Variants in ZNF462 observed in about 807,000 individuals in gnomAD.
The protein encoded by ZNF462 is zinc finger protein 462.
ZNF462 carries 10 observed loss-of-function variants against 201.9 expected under a neutral mutation model. The observed-to-expected ratio is 0.05, with a 90% CI of 0.03 to 0.08. The LOEUF (loss-of-function observed/expected upper bound fraction) is 0.08. ZNF462 is among the 10% of genes least tolerant of loss of function. ZNF462 has a pLI of 1.00. For synonymous variants in ZNF462, 1,227 were observed against 1,193.3 expected (o/e 1.03, Z -0.58); for missense variants, 2,523 against 3,168.3 (o/e 0.80, Z 4.89).
intron 11 of ZNF462, among the ~76,000 whole-genome samples, chr9:107,004,292 A>AAGT (rs1829397449): frequency 6.6e-6 from 1 of 152,208 alleles, no homozygotes; most frequent in East Asian, 1.9e-4. Flanking sequence ...GAATAGTACT[A>AAGT]GTTGCCATTA....
Position 106,883,393 on chromosome 9 carries a change from G to A in ZNF462, c.-31+20038G>A, listed in dbSNP as rs1185227031. Among the ~76,000 whole-genome samples the A allele has an allele frequency of 6.6e-6, 1 of 152,234 alleles. No individual in the cohort carries two copies. Among genetic ancestry groups the A allele is most frequent in the Non-Finnish European group, 1.5e-5 (1 of 68,040 alleles). ...TATTAATGCTGGCCCAGTGAAGGCAGAATAGTGTGCGGATGGAAAATGAAA... is the reference window on the plus strand; with the variant it reads ...TATTAATGCTGGCCCAGTGAAGGCAAAATAGTGTGCGGATGGAAAATGAAA... On this transcript the variant is annotated intron_variant, in intron 1 of 12. Transcript: ENST00000277225. This position sits in a 1 kb window ranked among gnomAD's most constrained non-coding sequence, Gnocchi z 4.9.
chr9:106,966,438 A>T lies in ZNF462; in HGVS notation c.6428-5567A>T, dbSNP rs1385605112. ...TAGTGTTGATTTCATTAATTAGCAC[A>T]CTAATTAATACTAGTTATATTTATT... On this transcript the variant is annotated intron_variant, in intron 7 of 12. Coordinates refer to ENST00000277225, the MANE Select transcript of ZNF462 (RefSeq NM_021224.6). This position sits in a 1 kb window ranked among gnomAD's most constrained non-coding sequence, Gnocchi z 4.4. 6.6e-6 allele frequency among the ~76,000 whole-genome samples: 1 copy of T among 152,126 alleles called. No homozygotes were observed. The highest frequency in any genetic ancestry group is 2.1e-4 in the South Asian group (1 of 4,826).
chr9:106,868,167 G>C lies in ZNF462; in HGVS notation c.-31+4812G>C, dbSNP rs1022909292. Among the ~76,000 whole-genome samples, 6 of 152,170 alleles carry C rather than the reference G, an allele frequency of 3.9e-5. No individual in the cohort carries two copies. The South Asian group carries it at 1.2e-3, about 32-fold the overall frequency. On this transcript the variant is annotated intron_variant, in intron 1 of 12. Coordinates refer to ENST00000277225, the MANE Select transcript of ZNF462 (RefSeq NM_021224.6). ...ATGGCTTTGAGAGAAACATTAGCTA[G>C]GTGTTGGTGACCTATTAATTGATTA... is the stretch of plus-strand genomic sequence containing the variant.
intron 7 of ZNF462, among the ~76,000 whole-genome samples, chr9:106,955,270 A>G (rs923300079): frequency 1.3e-5 from 2 of 152,196 alleles, no homozygotes; most frequent in Admixed American, 6.6e-5. Flanking sequence ...TTGCAATATA[A>G]AAGTCATACA....
chr9:106,924,245 G>T lies in ZNF462; in HGVS notation c.333G>T (p.Lys111Asn), dbSNP rs200356662. The change falls in exon 3 of 13, where the codon AAG becomes AAT. Residue 111 changes from lysine to asparagine, a missense_variant. Coordinates refer to ENST00000277225, the MANE Select transcript of ZNF462 (RefSeq NM_021224.6). This position sits in a 1 kb window ranked among gnomAD's most constrained non-coding sequence, Gnocchi z 6.2. The stretch of plus-strand genomic sequence containing the variant: ...CAACAAACAAGTTTTTTCAATGCAA[G>T]TTCTGTGTACGCTACTTCAGGTCAA... ...PKPTNKFFQCKFCVRYFRSKN... is the reference protein window; with the variant it reads ...PKPTNKFFQCNFCVRYFRSKN... 1 of 1,614,110 alleles carries T rather than the reference G, an allele frequency of 6.2e-7. No individual in the cohort carries two copies. Among genetic ancestry groups the T allele is most frequent in the East Asian group, 2.2e-5 (1 of 44,874 alleles).
chr9:106,923,517 G>A lies in ZNF462; in HGVS notation c.134G>A (p.Arg45Gln), dbSNP rs140902114. The change falls in exon 2 of 13, where the codon CGA becomes CAA. Residue 45 changes from arginine (R) to glutamine (Q), a missense_variant. Physicochemically the swap from Arg to Gln is conservative, Grantham distance 43. Coordinates refer to ENST00000277225, the MANE Select transcript of ZNF462 (RefSeq NM_021224.6). This position sits in a 1 kb window ranked among gnomAD's most constrained non-coding sequence, Gnocchi z 5.6. Reference sequence around the variant, plus strand: ...GCTGAGGACAATGTGAATGAGCTACGATGTGGGTCCGTGAATGCCAGTAAT... The same window carrying A: ...GCTGAGGACAATGTGAATGAGCTACAATGTGGGTCCGTGAATGCCAGTAAT... ...DVAEDNVNEL[R>Q]CGSVNASNQT... The A allele has an allele frequency of 3.1e-6, 5 of 1,614,088 alleles. No individual in the cohort carries two copies. Among genetic ancestry groups the A allele is most frequent in the Non-Finnish European group, 3.4e-6 (4 of 1,180,052 alleles).
rs1355976549 is a variant in ZNF462 at position 106,885,849 on chromosome 9, T to G, written c.-31+22494T>G. The stretch of plus-strand genomic sequence containing the variant: ...GGAGCCCACCTGATTCTTAAGAGTT[T>G]CCAGTTCCTCTATCCCTATTCCCTG... On this transcript the variant is annotated intron_variant, in intron 1 of 12. Transcript: ENST00000277225. The surrounding 1 kb of genome is among the most constrained non-coding windows in gnomAD (Gnocchi z 4.1). 6.6e-6 allele frequency among the ~76,000 whole-genome samples: 1 copy of G among 152,200 alleles called. No individual in the cohort carries two copies. The highest frequency in any genetic ancestry group is 2.4e-5 in the African/African-American group (1 of 41,444).
At chr9:106,888,680 C>G (rs962968290) in intron 1 of ZNF462, among the ~76,000 whole-genome samples, 1 of 152,146 alleles carries the variant, frequency 6.6e-6, no homozygotes, top group African/African-American at 2.4e-5. Context: ...TGTCACTCTT[C>G]CCACCGTATT....
At chr9:106,961,535 CTT>C (rs71491264) in intron 7 of ZNF462, among the ~76,000 whole-genome samples, 6 of 145,518 alleles carry the variant, frequency 4.1e-5, no homozygotes, top group Admixed American at 1.4e-4. Context: ...AGTTTGTACT[CTT>C]TTTTTTTTTG....
chr9:106,876,740 C>G lies in ZNF462; in HGVS notation c.-31+13385C>G, dbSNP rs917918802. Among the ~76,000 whole-genome samples the G allele has an allele frequency of 2.0e-5, 3 of 152,118 alleles. No individual in the cohort carries two copies. The highest frequency in any genetic ancestry group is 4.4e-5 in the Non-Finnish European group (3 of 68,018). ...TTTAATAAACATGAAGTTTTCTGAGCTTTTCAGAAGAAAGATGTTATTACT... is the reference window on the plus strand; with the variant it reads ...TTTAATAAACATGAAGTTTTCTGAGGTTTTCAGAAGAAAGATGTTATTACT... On this transcript the variant is annotated intron_variant, in intron 1 of 12. Coordinates refer to ENST00000277225, the MANE Select transcript of ZNF462 (RefSeq NM_021224.6). This position sits in a 1 kb window ranked among gnomAD's most constrained non-coding sequence, Gnocchi z 4.9.
rs763571056 is a variant in ZNF462, at chr9:107,009,706, C to T, written c.7313+38C>T. On this transcript the variant is annotated intron_variant, in intron 12 of 12. Transcript: ENST00000277225. This position sits in a 1 kb window ranked among gnomAD's most constrained non-coding sequence, Gnocchi z 6.1. ...ACTTCAAGGATGCCTTTGTCCAAAGCAAGAGGTAGGGAGGGAGGGAGGGGC... is the reference window on the plus strand; with the variant it reads ...ACTTCAAGGATGCCTTTGTCCAAAGTAAGAGGTAGGGAGGGAGGGAGGGGC... The T allele has an allele frequency of 5.4e-6, 3 of 554,480 alleles. No homozygotes were observed. The highest frequency in any genetic ancestry group is 4.2e-5 in the South Asian group (3 of 70,678). 34.3% of individuals were successfully genotyped at this position (554,480 alleles called of 1,614,324 possible). A position where few individuals can be genotyped will look rare whatever the true frequency, so the allele number is the denominator to read the frequency against.
At position 107,005,556 on chromosome 9, in the gene ZNF462, T is replaced by C. The variant is rs1462411379; in HGVS notation, c.7189+2130T>C. 6.6e-6 allele frequency among the ~76,000 whole-genome samples: 1 copy of C among 152,218 alleles called. No homozygotes were observed. The highest frequency in any genetic ancestry group is 1.5e-5 in the Non-Finnish European group (1 of 68,030). ...ATAGATGATTTTCTGTTGAGTTGCT[T>C]GATTTTCTAATACAGCATGGGTATT... On this transcript the variant is annotated intron_variant, in intron 11 of 12. Transcript: ENST00000277225. This position sits in a 1 kb window ranked among gnomAD's most constrained non-coding sequence, Gnocchi z 4.4.
rs1055964633 is a variant in ZNF462, at chr9:106,977,189, C to G, written c.6832+2916C>G. On this transcript the variant is annotated intron_variant, in intron 9 of 12. Coordinates refer to ENST00000277225, the MANE Select transcript of ZNF462 (RefSeq NM_021224.6). The surrounding 1 kb of genome is among the most constrained non-coding windows in gnomAD (Gnocchi z 4.6). ...CAGTAGGAAGCTGACCTTGACAAGTCGAGAGACAGAGCTGCATGTCTGCCT... is the reference window on the plus strand; with the variant it reads ...CAGTAGGAAGCTGACCTTGACAAGTGGAGAGACAGAGCTGCATGTCTGCCT... Among the ~76,000 whole-genome samples, 2 of 152,106 alleles carry G rather than the reference C, an allele frequency of 1.3e-5. No homozygotes were observed. Among genetic ancestry groups the G allele is most frequent in the African/African-American group, 4.8e-5 (2 of 41,422 alleles).
chr9:106,967,512 A>C (rs1832130373), intron 7 of ZNF462, among the ~76,000 whole-genome samples: 1 of 152,124 alleles, frequency 6.6e-6, no homozygotes, highest in South Asian at 2.1e-4. Flanking sequence ...TTAGCAAAAA[A>C]AAAAGTCCAA....
In ZNF462 at chr9:106,927,402, C is replaced by A. The variant is rs143279666; in HGVS notation, c.3490C>A (p.Gln1164Lys). The A allele has an allele frequency of 9.3e-6, 15 of 1,613,724 alleles. No homozygotes were observed. The highest frequency in any genetic ancestry group is 1.2e-5 in the Non-Finnish European group (14 of 1,179,932). ...AATGATGAGAGGGGTCGAAGGGCCCCAAGGCTCCCCCCGGCCACCCGCCCC... is the reference window on the plus strand; with the variant it reads ...AATGATGAGAGGGGTCGAAGGGCCCAAAGGCTCCCCCCGGCCACCCGCCCC... ...AAMMRGVEGP[Q>K]GSPRPPAPIQ... is the part of the protein sequence containing the mutation. Residue 1164 changes from glutamine to lysine, a missense_variant, in exon 3 of 13, where the codon CAA becomes AAA. By Grantham distance (53) the Gln-to-Lys change is moderately conservative. This residue lies in a region of ZNF462 where 222 missense variants were observed against 271.6 expected (regional missense o/e 0.82). Coordinates refer to ENST00000277225, the MANE Select transcript of ZNF462 (RefSeq NM_021224.6).
intron 7 of ZNF462, among the ~76,000 whole-genome samples, chr9:106,944,049 G>A (rs1485135236): frequency 6.6e-6 from 1 of 152,166 alleles, no homozygotes; most frequent in Non-Finnish European, 1.5e-5. Context: ...GAAGCTGAAG[G>A]TTGAGACAGG....
chr9:106,918,784 G>A (rs1829879314), intron 1 of ZNF462, among the ~76,000 whole-genome samples: 1 of 152,030 alleles, frequency 6.6e-6, no homozygotes, highest in South Asian at 2.1e-4. Flanking sequence ...TGTTTTTCTA[G>A]CTGAACTATT....
chr9:106,894,338 T>C (rs1402335493), intron 1 of ZNF462, among the ~76,000 whole-genome samples: 1 of 152,222 alleles, frequency 6.6e-6, no homozygotes, highest in Non-Finnish European at 1.5e-5. Flanking sequence ...AGTAGAGACA[T>C]GCTGCTTTAA....
chr9:106,926,059 C>T lies in ZNF462; in HGVS notation c.2147C>T (p.Ala716Val). ...AACCAAACCAAACAGCAGGAAGATG[C>T]AGTGATCAATGTTGAGGATGATGAA... ...KINQTKQQEDAVINVEDDEEE... is the reference protein window; with the variant it reads ...KINQTKQQEDVVINVEDDEEE... The change falls in exon 3 of 13, where the codon GCA becomes GTA. Residue 716 changes from alanine to valine, a missense_variant. Ala to Val is a moderately conservative substitution (Grantham distance 64). Transcript: ENST00000277225. This position sits in a 1 kb window ranked among gnomAD's most constrained non-coding sequence, Gnocchi z 7.9. 1 of 1,614,170 alleles carries T rather than the reference C, an allele frequency of 6.2e-7. No homozygotes were observed.
Sources: allele counts gnomAD v4.1 joint callset (sites outside exome capture counted in the v4.1 genomes callset), GRCh38; gene constraint gnomAD v4.1.1; regional missense constraint gnomAD v4.1.1; non-coding constraint Gnocchi (gnomAD v3.1); transcripts MANE v1.5; gene names NCBI Gene and HGNC (gene_info 2026-07-23, HGNC 2026-07-21).